The following SLC24A2 variants were observed in gnomAD, a reference collection of about 807,000 sequenced individuals.
SLC24A2 encodes solute carrier family 24 member 2.
SLC24A2 carries 36 observed loss-of-function variants against 62.0 expected under a neutral mutation model. The observed-to-expected ratio is 0.58, with a 90% CI of 0.44 to 0.77. SLC24A2 has a LOEUF of 0.77. Ranked by LOEUF, SLC24A2 falls within the 30% of genes least tolerant of loss-of-function variation. The pLI, the probability that SLC24A2 is intolerant of heterozygous loss-of-function variation, is 0.00. For missense variants in SLC24A2, 846 were observed against 817.9 expected, an observed-to-expected ratio of 1.03 and a Z score of -0.42; for synonymous variants, 358 against 294.0, an observed-to-expected ratio of 1.22 and a Z score of -2.23.
chr9:19,706,365 G>A (rs1820517548), intron 2 of SLC24A2, among the ~76,000 whole-genome samples: 1 of 149,344 alleles, frequency 6.7e-6, no homozygotes, highest in African/African-American at 2.5e-5. Context: ...ACAGCACACT[G>A]ATGGGTCTTG....
At chr9:20,235,215 C>A in the SLC24A2 span, among the ~76,000 whole-genome samples, 2 of 152,206 alleles carry the variant, frequency 1.3e-5, no homozygotes, top group African/African-American at 4.8e-5. Context: ...CTCAGATCTC[C>A]AGCTGCGTAC....
At chr9:19,714,028 C>T (rs1313182747) in intron 2 of SLC24A2, among the ~76,000 whole-genome samples, 1 of 152,146 alleles carries the variant, frequency 6.6e-6, no homozygotes, top group East Asian at 1.9e-4. Flanking sequence ...TACCTCAGTT[C>T]CTAAAAATCT....
chr9:19,817,622 T>C, the SLC24A2 span, among the ~76,000 whole-genome samples: 2 of 152,094 alleles, frequency 1.3e-5, no homozygotes, highest in Non-Finnish European at 2.9e-5. Flanking sequence ...TTTTGCCTCT[T>C]CTACATTATA....
chr9:19,967,495 C>A, the SLC24A2 span: 1 of 152,238 alleles, frequency 6.6e-6, no homozygotes, highest in Non-Finnish European at 1.5e-5. Flanking sequence ...AAGAGCATCA[C>A]AGAAGCTTAT....
At chr9:19,524,487 C>CCAAA (rs1018562269) in intron 9 of SLC24A2, among the ~76,000 whole-genome samples, 2 of 149,386 alleles carry the variant, frequency 1.3e-5, no homozygotes, top group Non-Finnish European at 3.0e-5. Context: ...TTATTTTTTG[C>CCAAA]CAAACAGTAG....
chr9:20,275,177 A>T, the SLC24A2 span, among the ~76,000 whole-genome samples: 5 of 152,218 alleles, frequency 3.3e-5, no homozygotes, highest in African/African-American at 1.2e-4. Flanking sequence ...GCTAAAAGTA[A>T]ACATAGACAT....
chr9:19,936,268 C>T, the SLC24A2 span, among the ~76,000 whole-genome samples: 1 of 152,014 alleles, frequency 6.6e-6, no homozygotes, highest in East Asian at 1.9e-4. Context: ...TAGTTATCTT[C>T]GATTTATTAC....
At chr9:20,239,821 A>T in the SLC24A2 span, among the ~76,000 whole-genome samples, 2 of 151,660 alleles carry the variant, frequency 1.3e-5, no homozygotes, top group African/African-American at 4.8e-5. Context: ...AGCTGCTTCT[A>T]TTGTCAAAGA....
chr9:19,882,113 G>A, the SLC24A2 span, among the ~76,000 whole-genome samples: 6 of 152,028 alleles, frequency 3.9e-5, no homozygotes, highest in African/African-American at 2.4e-5. Flanking sequence ...TTTCCTTGGG[G>A]TAGAGGGTAG....
chr9:19,871,625 T>C, the SLC24A2 span, among the ~76,000 whole-genome samples: 1 of 152,124 alleles, frequency 6.6e-6, no homozygotes, highest in African/African-American at 2.4e-5. Flanking sequence ...TACTATATAT[T>C]GCATGAAACA....
At chr9:19,949,316 C>A in the SLC24A2 span, among the ~76,000 whole-genome samples, 8 of 152,226 alleles carry the variant, frequency 5.3e-5, no homozygotes, top group East Asian at 1.5e-3. Flanking sequence ...TTAATCCAAT[C>A]TTTGGAGGAA....
At chr9:19,520,855 G>A in intron 10 of SLC24A2, 39 bp downstream of exon 10, 5 of 1,600,744 alleles carry the variant, frequency 3.1e-6, no homozygotes, top group Non-Finnish European at 4.3e-6. Context: ...AGACACTGGT[G>A]GAGCTGGTGC....
chr9:20,285,750 G>C, the SLC24A2 span, among the ~76,000 whole-genome samples: 1 of 152,136 alleles, frequency 6.6e-6, no homozygotes, highest in Non-Finnish European at 1.5e-5. Flanking sequence ...CAAACATTAC[G>C]ATCATAAGGG....
chr9:20,030,312 A>G, the SLC24A2 span, among the ~76,000 whole-genome samples: 5 of 152,216 alleles, frequency 3.3e-5, no homozygotes, highest in Non-Finnish European at 5.9e-5. Context: ...TTCTGTGATC[A>G]CCTGGGTGTT....
intron 2 of SLC24A2, among the ~76,000 whole-genome samples, chr9:19,661,209 T>C (rs1045981355): frequency 6.6e-6 from 1 of 152,136 alleles, no homozygotes; most frequent in African/African-American, 2.4e-5. Flanking sequence ...TTTTTTTTTT[T>C]GTGATTCTTC....
chr9:20,178,398 T>C, the SLC24A2 span, among the ~76,000 whole-genome samples: 9 of 152,162 alleles, frequency 5.9e-5, no homozygotes, highest in Admixed American at 5.9e-4. Flanking sequence ...CCAAGGCAGC[T>C]GAAGGGTACA....
intron 2 of SLC24A2, among the ~76,000 whole-genome samples, chr9:19,705,047 C>G (rs1286283743): frequency 2.6e-5 from 4 of 152,090 alleles, no homozygotes; most frequent in African/African-American, 4.8e-5. Context: ...TTACCTTAAT[C>G]TTTATTCATT....
At chr9:19,710,241 A>G (rs1364501024) in intron 2 of SLC24A2, among the ~76,000 whole-genome samples, 1 of 152,156 alleles carries the variant, frequency 6.6e-6, no homozygotes, top group Non-Finnish European at 1.5e-5. Context: ...ATCTGCCCCT[A>G]TGGGTAGAGG....
chr9:20,080,990 G>C, the SLC24A2 span, among the ~76,000 whole-genome samples: 13 of 152,144 alleles, frequency 8.5e-5, no homozygotes, highest in Non-Finnish European at 1.8e-4. Context: ...AGCTGCTGGA[G>C]AGGATATGGA....
Sources: allele counts gnomAD v4.1 joint callset (sites outside exome capture counted in the v4.1 genomes callset), GRCh38; gene constraint gnomAD v4.1.1; transcripts MANE v1.5; gene names NCBI Gene and HGNC (gene_info 2026-07-23, HGNC 2026-07-21).